Variants in CFTR observed in about 807,000 individuals in gnomAD.
CFTR encodes CF transmembrane conductance regulator.
Under a neutral mutation model 171.6 loss-of-function variants are expected in CFTR, and 181 were observed. The ratio of observed to expected loss-of-function variants is 1.05; its 90% CI spans 0.93 to 1.19. The LOEUF (loss-of-function observed/expected upper bound fraction) is 1.19. CFTR is among the 50% of genes most tolerant of loss of function. The pLI is 0.00. For missense variants in CFTR, 1,968 were observed against 1,734.7 expected (o/e 1.13, Z -2.39); for synonymous variants, 583 against 608.0 (o/e 0.96, Z 0.60).
At chr7:117,665,683 C>A in intron 26 of CFTR, 119 bp downstream of exon 26, 1 of 730,392 alleles carries the variant, frequency 1.4e-6, no homozygotes, top group Non-Finnish European at 2.5e-6. Context: ...AAATATGTAT[C>A]ATACAGCCAT....
At position 117,666,964 on chromosome 7, in the gene CFTR, G is replaced by C; in HGVS notation, c.4299G>C (p.Glu1433Asp). 6.2e-7 allele frequency: 1 copy of C among 1,614,062 alleles called. No homozygotes were observed. The highest frequency in any genetic ancestry group is 2.2e-5 in the East Asian group (1 of 44,848). ...ATTCCATCCAGAAACTGCTGAACGA[G>C]AGGAGCCTCTTCCGGCAAGCCATCA... ...QYDSIQKLLN[E>D]RSLFRQAISP... Residue 1433 changes from glutamate (E) to aspartate (D), a missense_variant, in exon 27 of 27, where the codon GAG (glutamate) becomes GAC (aspartate). Transcript: ENST00000003084.
At chr7:117,572,194 G>C (rs1791701893) in intron 11 of CFTR, among the ~76,000 whole-genome samples, 1 of 152,060 alleles carries the variant, frequency 6.6e-6, no homozygotes, top group South Asian at 2.1e-4. Flanking sequence ...TAGAAATGGG[G>C]TTTTGCCATG....
At chr7:117,654,382 C>G (rs945908565) in intron 24 of CFTR, among the ~76,000 whole-genome samples, 1 of 152,138 alleles carries the variant, frequency 6.6e-6, no homozygotes, top group African/African-American at 2.4e-5. Flanking sequence ...GTGCTGGGGT[C>G]TGCTAGAGCT....
At chr7:117,549,392 C>T (rs530500027) in intron 10 of CFTR, among the ~76,000 whole-genome samples, 1 of 152,058 alleles carries the variant, frequency 6.6e-6, no homozygotes, top group East Asian at 1.9e-4. Context: ...CTTAACCTGG[C>T]ATATTTGGAG....
chr7:117,618,432 G>T (rs557704057), intron 21 of CFTR, among the ~76,000 whole-genome samples: 2 of 151,962 alleles, frequency 1.3e-5, no homozygotes, highest in Admixed American at 1.3e-4. Flanking sequence ...AGTGAGCCGA[G>T]ATCCTGCCAC....
chr7:117,605,254 A>G (rs1040388077), intron 17 of CFTR, among the ~76,000 whole-genome samples: 1 of 152,188 alleles, frequency 6.6e-6, no homozygotes, highest in Non-Finnish European at 1.5e-5. Flanking sequence ...CACCAAAGCA[A>G]ATTTCATTTT....
At chr7:117,643,657 T>C (rs1584838036) in intron 23 of CFTR, among the ~76,000 whole-genome samples, 1 of 152,224 alleles carries the variant, frequency 6.6e-6, no homozygotes, top group South Asian at 2.1e-4. Context: ...TGTCAGATGA[T>C]CTAAAAATAA....
chr7:117,644,360 T>G (rs1254819539), intron 23 of CFTR, among the ~76,000 whole-genome samples: 1 of 152,130 alleles, frequency 6.6e-6, no homozygotes, highest in African/African-American at 2.4e-5. Context: ...GCTTTTATTT[T>G]CCTAACTTTT....
At chr7:117,641,454 G>A (rs1035964108) in intron 22 of CFTR, among the ~76,000 whole-genome samples, 2 of 152,118 alleles carry the variant, frequency 1.3e-5, no homozygotes, top group African/African-American at 4.8e-5. Context: ...AGATTGAAAA[G>A]CATTATACTA....
intron 10 of CFTR, among the ~76,000 whole-genome samples, chr7:117,556,975 A>C (rs34652497): frequency 0.049 from 7,421 of 151,844 alleles, 262 homozygotes; most frequent in African/African-American, 0.085. Context: ...TTAATTTATA[A>C]TTTTATCTTT....
chr7:117,509,272 A>G (rs1258643711), intron 3 of CFTR, 130 bp downstream of exon 3: 1 of 674,920 alleles, frequency 1.5e-6, no homozygotes, highest in East Asian at 2.7e-5. Context: ...AAACACTAAG[A>G]AACCACCTAA....
At chr7:117,657,544 T>A (rs963156821) in intron 24 of CFTR, among the ~76,000 whole-genome samples, 10 of 152,200 alleles carry the variant, frequency 6.6e-5, no homozygotes, top group Admixed American at 6.5e-4. Flanking sequence ...TCACAAGGCC[T>A]AGGCTTTAGT....
intron 15 of CFTR, among the ~76,000 whole-genome samples, chr7:117,596,983 C>T (rs980617694): frequency 2.6e-5 from 4 of 152,162 alleles, no homozygotes; most frequent in African/African-American, 9.7e-5. Context: ...GACCAATCAG[C>T]TCTCTGTAAA....
At chr7:117,531,266 G>A in intron 4 of CFTR, 152 bp downstream of exon 4, 1 of 648,154 alleles carries the variant, frequency 1.5e-6, no homozygotes. Flanking sequence ...AATAATTAAT[G>A]CTCTTAATTA....
chr7:117,615,876 A>G (rs1248825982), intron 21 of CFTR, among the ~76,000 whole-genome samples: 1 of 152,100 alleles, frequency 6.6e-6, no homozygotes, highest in East Asian at 1.9e-4. Flanking sequence ...TGTATTTAAA[A>G]TTATTCATTC....
In CFTR at chr7:117,666,332, A is replaced by G. The variant is rs372459350; in HGVS notation, c.4243-576A>G. ...AGGCTTTTGAGCCTCCTGGAGGTAA[A>G]TGGTTTCCTTACTGAAGGCTTGTTA... On this transcript the variant is annotated intron_variant, in intron 26 of 26. Coordinates refer to ENST00000003084, the MANE Select transcript of CFTR (RefSeq NM_000492.4). Among the ~76,000 whole-genome samples the G allele has an allele frequency of 5.3e-4, 80 of 152,282 alleles. No homozygotes were observed. In the Middle Eastern group the frequency reaches 0.031, roughly 59 times the overall value.
chr7:117,659,941 C>G (rs1793242535), intron 24 of CFTR, among the ~76,000 whole-genome samples: 1 of 151,988 alleles, frequency 6.6e-6, no homozygotes, highest in Admixed American at 6.6e-5. Flanking sequence ...GTTTCTCTGT[C>G]ACAAGAGCAA....
chr7:117,667,242 A>T lies in CFTR; in HGVS notation c.*134A>T, dbSNP rs936511668. On this transcript the variant is annotated 3_prime_UTR_variant, in exon 27 of 27. Transcript: ENST00000003084. ...ACAAGGATGAATTAAGTTTTTTTTT[A>T]AAAAAGAAACATTTGGTAAGGGGAA... The T allele has an allele frequency of 5.3e-5, 44 of 825,982 alleles. 1 individual carries two copies. The Middle Eastern group carries it at 1.7e-3, about 32-fold the overall frequency. The allele number at this position is 825,982 out of a possible 1,614,324, so 51.2% of individuals were successfully genotyped here. A position where few individuals can be genotyped will look rare whatever the true frequency, so the allele number is the denominator to read the frequency against.
At chr7:117,481,454 A>T (rs972415746) in intron 1 of CFTR, among the ~76,000 whole-genome samples, 1 of 152,210 alleles carries the variant, frequency 6.6e-6, no homozygotes, top group Non-Finnish European at 1.5e-5. Context: ...TATTTCATGG[A>T]TAGTTCTAAA....
Sources: allele counts gnomAD v4.1 joint callset (sites outside exome capture counted in the v4.1 genomes callset), GRCh38; gene constraint gnomAD v4.1.1; transcripts MANE v1.5; gene names NCBI Gene and HGNC (gene_info 2026-07-23, HGNC 2026-07-21).